The following TMEM175 variants were observed in gnomAD, a reference collection of about 807,000 sequenced individuals.
The protein encoded by TMEM175 is transmembrane protein 175, also known as endosomal/lysosomal proton channel TMEM175.
TMEM175 carries 36 observed loss-of-function variants against 36.5 expected under a neutral mutation model. That is an observed-to-expected ratio of 0.99 (90% CI 0.76 to 1.30). The LOEUF (loss-of-function observed/expected upper bound fraction) is 1.30. Among genes scored for constraint, TMEM175 ranks in the 50% most tolerant of loss-of-function variants. The probability of loss-of-function intolerance (pLI) is 0.00; values close to 1 mark genes in which losing one functional copy is unlikely to be tolerated. For synonymous variants in TMEM175, 339 were observed against 313.4 expected (o/e 1.08, Z -0.86); for missense variants, 705 against 692.8 (o/e 1.02, Z -0.20).
chr4:947,810 AG>A lies in TMEM175; in HGVS notation c.73del (p.Asp25ThrfsTer27), dbSNP rs765259612. On this transcript the variant is annotated frameshift_variant, in exon 2 of 11. Transcript: ENST00000264771. LOFTEE classifies it high-confidence loss of function. ...GACTGCCCCCCAGGCAGGAGAGACG[AG>A]GACGCTGGGGAGGGGATCCAGTGCT... Reference protein sequence around the residue: ...PGDCPPGRRDEDAGEGIQCSQ... With the variant: ...PGDCPPGRRDXDAGEGIQCSQ... 12 of 1,613,074 alleles carry A rather than the reference AG, an allele frequency of 7.4e-6. No individual in the cohort carries two copies. The East Asian group carries it at 2.2e-4, about 30-fold the overall frequency.
In TMEM175 at chr4:958,428, G is replaced by C. The variant is rs201137093; in HGVS notation, c.1447G>C (p.Glu483Gln). 2.6e-5 allele frequency: 41 copies of C among 1,594,358 alleles called. No individual in the cohort carries two copies. Among genetic ancestry groups the C allele is most frequent in the Middle Eastern group, 3.4e-4 (2 of 5,962 alleles). The change falls in exon 11 of 11, where the codon GAA becomes CAA. Residue 483 changes from glutamate to glutamine, a missense_variant. Physicochemically the swap from Glu to Gln is conservative, Grantham distance 29. Coordinates refer to ENST00000264771, the MANE Select transcript of TMEM175 (RefSeq NM_032326.4). ...LRVLRGLARP[E>Q]HPPPAPTGQD... ...GGTCCTGCGGGGCCTCGCCCGGCCC[G>C]AACACCCCCCGCCAGCCCCCACGGG...
chr4:940,476 T>C (rs1727313589), intron 1 of TMEM175, among the ~76,000 whole-genome samples: 1 of 146,240 alleles, frequency 6.8e-6, no homozygotes, highest in Non-Finnish European at 1.5e-5. Context: ...AAAGCAGTAG[T>C]TGCTAGGGGT....
chr4:935,147 A>C (rs1726651304), intron 1 of TMEM175, among the ~76,000 whole-genome samples: 3 of 152,242 alleles, frequency 2.0e-5, no homozygotes, highest in African/African-American at 7.2e-5. Context: ...ACCTGGGATC[A>C]GCTGGACATT....
At chr4:950,917 G>A (rs1728808923) in intron 4 of TMEM175, among the ~76,000 whole-genome samples, 1 of 146,228 alleles carries the variant, frequency 6.8e-6, no homozygotes. Context: ...TGGATGGTGT[G>A]GATGGTGTGG....
In TMEM175 at chr4:956,228, C is replaced by T. The variant is rs545281146; in HGVS notation, c.842+338C>T. The T allele has an allele frequency of 1.6e-4, 171 of 1,088,224 alleles. No individual in the cohort carries two copies. In the South Asian group the frequency reaches 2.6e-3, roughly 16 times the overall value. 67.4% of individuals were successfully genotyped at this position (1,088,224 alleles called of 1,614,324 possible). On this transcript the variant is annotated intron_variant, in intron 10 of 10. Transcript: ENST00000264771. ...CCATGGGTATCCCCCTGCCCCAGGC[C>T]TCACCCCTGCCCCAACACCAGCCCC...
intron 4 of TMEM175, 72 bp from the exon 5 acceptor site, chr4:951,135 G>A: frequency 1.5e-6 from 2 of 1,364,438 alleles, no homozygotes; most frequent in Admixed American, 3.4e-5. Flanking sequence ...AGAAGATGCT[G>A]GAAAGAGTGT....
intron 4 of TMEM175, among the ~76,000 whole-genome samples, chr4:950,796 AT>A (rs1577425936): frequency 2.8e-5 from 3 of 106,520 alleles, no homozygotes; most frequent in African/African-American, 1.1e-4. Context: ...GGAGGTGTGG[AT>A]GGTGTGGATG....
chr4:933,889 A>G (rs764061894), intron 1 of TMEM175, among the ~76,000 whole-genome samples: 1 of 152,258 alleles, frequency 6.6e-6, no homozygotes, highest in Non-Finnish European at 1.5e-5. Flanking sequence ...AAAAATATAT[A>G]TAACAAAAAT....
Position 953,278 on chromosome 4 carries a change from A to G in TMEM175, c.551A>G (p.His184Arg), listed in dbSNP as rs759508692. 63 of 1,613,916 alleles carry G rather than the reference A, an allele frequency of 3.9e-5. No homozygotes were observed. In the Admixed American group the frequency reaches 1.1e-3, roughly 27 times the overall value. Residue 184 changes from histidine to arginine, a missense_variant, in exon 8 of 11, where the codon CAC becomes CGC. His to Arg is a conservative substitution (Grantham distance 29). Coordinates refer to ENST00000264771, the MANE Select transcript of TMEM175 (RefSeq NM_032326.4). ...RSAHRALYRR[H>R]VLGIVLQGPA... is the part of the protein sequence containing the mutation. ...GCCCACAGGGCTCTGTACCGACGAC[A>G]CGTCCTGGGCATCGTCCTCCAAGGC...
chr4:941,286 G>T (rs1727452338), intron 1 of TMEM175, among the ~76,000 whole-genome samples: 1 of 144,496 alleles, frequency 6.9e-6, no homozygotes, highest in Admixed American at 7.2e-5. Context: ...TGACACAGGA[G>T]AATCGTTTAA....
chr4:941,433 A>G (rs991493559), intron 1 of TMEM175, among the ~76,000 whole-genome samples: 1 of 142,296 alleles, frequency 7.0e-6, no homozygotes. Flanking sequence ...TTTCTGCTCT[A>G]TTTTTCTTTT....
chr4:958,081 G>T lies in TMEM175; in HGVS notation c.1100G>T (p.Arg367Leu). The change falls in exon 11 of 11, where the codon CGG becomes CTG. Residue 367 changes from arginine to leucine, a missense_variant. By Grantham distance (102) the Arg-to-Leu change is moderately radical (BLOSUM62 -2). Coordinates refer to ENST00000264771, the MANE Select transcript of TMEM175 (RefSeq NM_032326.4). The part of the protein sequence containing the change: ...LAYQQTSAFA[R>L]QPRDELERVR... ...TACCAGCAGACCTCGGCCTTCGCCCGGCAGCCCCGCGATGAGCTGGAGCGC... is the reference window on the plus strand; with the variant it reads ...TACCAGCAGACCTCGGCCTTCGCCCTGCAGCCCCGCGATGAGCTGGAGCGC... 1.2e-6 allele frequency: 2 copies of T among 1,608,074 alleles called. No homozygotes were observed. Among genetic ancestry groups the T allele is most frequent in the Non-Finnish European group, 1.7e-6 (2 of 1,179,622 alleles).
chr4:950,556 C>T, intron 4 of TMEM175, 38 bp downstream of exon 4: 1 of 1,503,628 alleles, frequency 6.7e-7, no homozygotes. Context: ...CATAGCTGCT[C>T]TCAAGGTTCC....
chr4:938,229 C>T (rs527418417), intron 1 of TMEM175, among the ~76,000 whole-genome samples: 13 of 152,330 alleles, frequency 8.5e-5, no homozygotes, highest in Admixed American at 7.8e-4. Context: ...TGGGGCCAGG[C>T]ACAGTGGCTC....
rs761768575 is a variant in TMEM175 at position 958,251 on chromosome 4, G to A, written c.1270G>A (p.Ala424Thr). The change falls in exon 11 of 11, where the codon GCG (alanine) becomes ACG (threonine). Residue 424 changes from alanine (A) to threonine (T), a missense_variant. Ala to Thr is a moderately conservative substitution (Grantham distance 58). Coordinates refer to ENST00000264771, the MANE Select transcript of TMEM175 (RefSeq NM_032326.4). ...REHVLMFAKL[A>T]LYPCASLLAF... ...GCATGTGCTCATGTTCGCCAAGCTGGCGCTGTACCCCTGTGCCAGCCTGCT... is the reference window on the plus strand; with the variant it reads ...GCATGTGCTCATGTTCGCCAAGCTGACGCTGTACCCCTGTGCCAGCCTGCT... The A allele has an allele frequency of 6.2e-7, 1 of 1,605,650 alleles. No homozygotes were observed. The highest frequency in any genetic ancestry group is 2.2e-5 in the East Asian group (1 of 44,822).
intron 7 of TMEM175, 108 bp from the exon 8 acceptor site, chr4:953,082 C>A: frequency 1.6e-6 from 2 of 1,239,918 alleles, no homozygotes; most frequent in Non-Finnish European, 2.2e-6. Context: ...CCAGGTCCTC[C>A]CCACCTCGAG....
intron 6 of TMEM175, chr4:952,034 C>G: frequency 1.7e-6 from 1 of 584,588 alleles, no homozygotes; most frequent in Non-Finnish European, 3.1e-6. Context: ...CCGCCCTGTA[C>G]TACTCAGGCT....
Position 958,605 on chromosome 4 carries a change from G to A in TMEM175, c.*109G>A. The A allele has an allele frequency of 1.1e-6, 1 of 879,988 alleles. No homozygotes were observed. 54.5% of individuals were successfully genotyped at this position (879,988 alleles called of 1,614,324 possible). A position where few individuals can be genotyped will look rare whatever the true frequency, so the allele number is the denominator to read the frequency against. The stretch of plus-strand genomic sequence containing the variant: ...GGCAGGCCGCAGTGGTTCTTGCGTG[G>A]CCTGGTTTTATTTTCATTGTGAAAT... On this transcript the variant is annotated 3_prime_UTR_variant, in exon 11 of 11. Coordinates refer to ENST00000264771, the MANE Select transcript of TMEM175 (RefSeq NM_032326.4).
rs1169108291 is a variant in TMEM175 at position 948,306 on chromosome 4, GA to G, written c.192+153del. ...GGAGGCGGGGGCCTCCTTGGAAAGG[GA>G]GGGAGCCAACAAGTCCTGCTCAGCC... is the stretch of plus-strand genomic sequence containing the variant. On this transcript the variant is annotated intron_variant, in intron 3 of 10. Transcript: ENST00000264771. 4.8e-5 allele frequency: 74 copies of G among 1,554,134 alleles called. No homozygotes were observed. In the East Asian group the frequency reaches 8.4e-4, roughly 18 times the overall value.
Sources: allele counts gnomAD v4.1 joint callset (sites outside exome capture counted in the v4.1 genomes callset), GRCh38; gene constraint gnomAD v4.1.1; transcripts MANE v1.5; gene names NCBI Gene and HGNC (gene_info 2026-07-23, HGNC 2026-07-21).